Variants in ZFTRAF1 observed in about 807,000 individuals in gnomAD.
ZFTRAF1 encodes the protein zinc finger TRAF-type and ring finger containing 1.
At chr8:144,456,057 C>T in the ZFTRAF1 span, 20 of 152,370 alleles carry the variant, frequency 1.3e-4, no homozygotes, top group Non-Finnish European at 2.5e-4. Context: ...CTGCAAGCTC[C>T]GAGGAGACAC....
the ZFTRAF1 span, chr8:144,455,263 C>T: frequency 3.4e-4 from 52 of 152,182 alleles, no homozygotes; most frequent in African/African-American, 1.2e-3. Flanking sequence ...TGCAGTGAGC[C>T]GAAATGGTGC....
At chr8:144,458,124 G>A in the ZFTRAF1 span, among the ~76,000 whole-genome samples, 11 of 152,360 alleles carry the variant, frequency 7.2e-5, no homozygotes, top group South Asian at 8.3e-4. Flanking sequence ...GGGTCTGAGA[G>A]GGACTGGCAC....
chr8:144,452,253 G>A, the ZFTRAF1 span: 24 of 1,277,886 alleles, frequency 1.9e-5, no homozygotes, highest in African/African-American at 5.9e-5. Flanking sequence ...CCGGCTGTCC[G>A]GCGCTGTCAG....
At chr8:144,456,683 C>A in the ZFTRAF1 span, 1 of 151,596 alleles carries the variant, frequency 6.6e-6, no homozygotes, top group Non-Finnish European at 1.5e-5. Context: ...GGGGTGACAT[C>A]GTGGGAAATT....
At chr8:144,449,821 C>T in the ZFTRAF1 span, 19 of 162,646 alleles carry the variant, frequency 1.2e-4, no homozygotes, top group African/African-American at 3.8e-4. Context: ...CCTCGGGGGA[C>T]GTGTGCGGGC....
chr8:144,456,662 A>T, the ZFTRAF1 span: 1 of 151,206 alleles, frequency 6.6e-6, no homozygotes, highest in Non-Finnish European at 1.5e-5. Context: ...ATCACAGAGG[A>T]TGATGTCAGA....
chr8:144,450,071 C>CGCTGTGCCTCTCGGCCTCCTT, the ZFTRAF1 span: 1 of 406,936 alleles, frequency 2.5e-6, no homozygotes, highest in Non-Finnish European at 4.6e-6. Context: ...GGGGCAGGGT[C>CGCTGTGCCTCTCGGCCTCCTT]GCTGTGCCTC....
chr8:144,450,768 C>T, the ZFTRAF1 span: 21 of 695,272 alleles, frequency 3.0e-5, no homozygotes, highest in South Asian at 3.0e-4. Context: ...CGGAACTGGA[C>T]CTCTGTGGAG....
the ZFTRAF1 span, chr8:144,462,231 C>G: frequency 4.1e-4 from 198 of 480,760 alleles, 1 homozygote; most frequent in Non-Finnish European, 6.4e-4. Flanking sequence ...GGCCCCGCGG[C>G]GGGGGCTGCA....
At chr8:144,452,117 G>A in the ZFTRAF1 span, 1 of 568,654 alleles carries the variant, frequency 1.8e-6, no homozygotes, top group Non-Finnish European at 3.2e-6. Context: ...GGACAGGTGG[G>A]CGGGGCTGCT....
chr8:144,450,236 G>C, the ZFTRAF1 span: 1 of 613,036 alleles, frequency 1.6e-6, no homozygotes, highest in African/African-American at 1.8e-5. Flanking sequence ...CACGCATGCA[G>C]ACTTGCCCTG....
At chr8:144,458,832 G>C in the ZFTRAF1 span, among the ~76,000 whole-genome samples, 1 of 152,226 alleles carries the variant, frequency 6.6e-6, no homozygotes, top group African/African-American at 2.4e-5. Context: ...TCAGGCAGGA[G>C]AGCATGGGAA....
the ZFTRAF1 span, among the ~76,000 whole-genome samples, chr8:144,460,657 C>A: frequency 2.6e-5 from 4 of 152,218 alleles, no homozygotes; most frequent in African/African-American, 9.6e-5. Flanking sequence ...CCGAGGCAGG[C>A]GGATCACCCA....
the ZFTRAF1 span, chr8:144,452,609 G>A: frequency 7.9e-6 from 12 of 1,514,436 alleles, no homozygotes; most frequent in East Asian, 7.4e-5. Context: ...ACTGAGCCCC[G>A]AACAGGAGGC....
chr8:144,450,119 C>T, the ZFTRAF1 span: 89 of 478,218 alleles, frequency 1.9e-4, no homozygotes, highest in African/African-American at 7.6e-4. Context: ...AGCCTCGGGG[C>T]GCCTGGTGCA....
At chr8:144,453,649 A>G in the ZFTRAF1 span, 3 of 596,300 alleles carry the variant, frequency 5.0e-6, no homozygotes. Context: ...AAACAGGCAG[A>G]GCCAGCTTGG....
chr8:144,454,442 G>A, the ZFTRAF1 span: 1 of 152,404 alleles, frequency 6.6e-6, no homozygotes, highest in Non-Finnish European at 1.5e-5. Context: ...GGCATTCCAG[G>A]GCCAGCCAGG....
chr8:144,450,868 G>C, the ZFTRAF1 span: 1 of 606,834 alleles, frequency 1.6e-6, no homozygotes, highest in Non-Finnish European at 3.0e-6. Flanking sequence ...GGCTCAGCCG[G>C]GGAGGAAGGC....
the ZFTRAF1 span, among the ~76,000 whole-genome samples, chr8:144,460,099 AG>A: frequency 6.6e-6 from 1 of 152,154 alleles, no homozygotes; most frequent in Admixed American, 6.5e-5. Context: ...TTGACCTTCC[AG>A]GGGCACCACT....
Sources: allele counts gnomAD v4.1 joint callset (sites outside exome capture counted in the v4.1 genomes callset), GRCh38; gene constraint gnomAD v4.1.1; transcripts MANE v1.5; gene names NCBI Gene and HGNC (gene_info 2026-07-23, HGNC 2026-07-21).